Variants in PHF3 observed in about 807,000 individuals in gnomAD.
PHF3 encodes the protein PHD finger protein 3.
A neutral mutation model predicts 178.4 loss-of-function variants in PHF3; 41 were observed. The ratio of observed to expected loss-of-function variants is 0.23; its 90% CI spans 0.18 to 0.30. The LOEUF (loss-of-function observed/expected upper bound fraction) is 0.30, where lower values mean the gene tolerates loss of function less well. PHF3 is among the 10% of genes least tolerant of loss of function. PHF3 has a pLI of 1.00. For synonymous variants in PHF3, 842 were observed against 800.5 expected (o/e 1.05, Z -0.88); for missense variants, 2,346 against 2,398.1 (o/e 0.98, Z 0.45).
chr6:63,701,732 C>A (rs1015474505), intron 9 of PHF3, among the ~76,000 whole-genome samples: 1 of 152,140 alleles, frequency 6.6e-6, no homozygotes, highest in African/African-American at 2.4e-5. Context: ...TTCTCCTCCT[C>A]TTATATTTTG....
In PHF3 at chr6:63,646,892, T is replaced by C. The variant is rs1202114396; in HGVS notation, c.244+97T>C. 1.1e-5 allele frequency: 11 copies of C among 989,646 alleles called. No individual in the cohort carries two copies. In the South Asian group the frequency reaches 1.4e-4, roughly 13 times the overall value. 61.3% of individuals were successfully genotyped at this position (989,646 alleles called of 1,614,324 possible). ...TTCTTTTTTCTTTTTTTCTTTTTTTTTTTTTTAATGAGGAGGGTAGTAAAT... is the reference window on the plus strand; with the variant it reads ...TTCTTTTTTCTTTTTTTCTTTTTTTCTTTTTTAATGAGGAGGGTAGTAAAT... On this transcript the variant is annotated intron_variant, in intron 2 of 15. Transcript: ENST00000262043.
intron 2 of PHF3, among the ~76,000 whole-genome samples, chr6:63,671,802 A>G (rs1765927982): frequency 6.6e-6 from 1 of 152,180 alleles, no homozygotes; most frequent in Non-Finnish European, 1.5e-5. Flanking sequence ...CTGGAGTTGC[A>G]GTGGTGCGAT....
rs1766562199 is a variant in PHF3 at position 63,684,147 on chromosome 6, G to A, written c.425G>A (p.Arg142Gln). 6.2e-7 allele frequency: 1 copy of A among 1,604,018 alleles called. No homozygotes were observed. Among genetic ancestry groups the A allele is most frequent in the South Asian group, 1.1e-5 (1 of 88,862 alleles). The part of the protein sequence containing the change: ...LMAQEQVRSL[R>Q]QSTIAKRSNA... ...GTGATAGAACAAGTAAGAAGTTTGC[G>A]ACAGAGCACTATTGCCAAGCGTTCA... Residue 142 changes from arginine to glutamine, a missense_variant, in exon 4 of 16, where the codon CGA (arginine) becomes CAA (glutamine). Around this residue, in one of 8 missense-constraint regions of PHF3, gnomAD observed 843 missense variants for 795.2 expected, o/e 1.06. Coordinates refer to ENST00000262043, the MANE Select transcript of PHF3 (RefSeq NM_001370348.2).
At chr6:63,700,328 T>C (rs759992806) in intron 8 of PHF3, 22 bp from the exon 9 acceptor site, 9 of 1,182,500 alleles carry the variant, frequency 7.6e-6, no homozygotes, top group Non-Finnish European at 1.1e-5. Context: ...CCCCTTCTAT[T>C]CCTATTTTAA....
intron 13 of PHF3, 111 bp from the exon 14 acceptor site, chr6:63,709,040 G>T: frequency 1.8e-6 from 1 of 559,632 alleles, no homozygotes; most frequent in Non-Finnish European, 3.0e-6. Flanking sequence ...TTATTTACTT[G>T]TTTTTATTAC....
chr6:63,664,086 C>T (rs1421089844), intron 2 of PHF3, among the ~76,000 whole-genome samples: 9 of 152,134 alleles, frequency 5.9e-5, no homozygotes, highest in Non-Finnish European at 4.4e-5. Flanking sequence ...GGGAGAATGG[C>T]TGAATGGTTA....
Position 63,720,829 on chromosome 6 carries a change from C to T in PHF3, c.*7121C>T, listed in dbSNP as rs1241787129. 8 of 1,551,146 alleles carry T rather than the reference C, an allele frequency of 5.2e-6. No homozygotes were observed. Among genetic ancestry groups the T allele is most frequent in the Admixed American group, 2.0e-5 (1 of 50,944 alleles). On this transcript the variant is annotated 3_prime_UTR_variant, in exon 16 of 16. Coordinates refer to ENST00000262043, the MANE Select transcript of PHF3 (RefSeq NM_001370348.2). ...AAGTTTTTATGTGGATCAATATCCT[C>T]GGAAAGAATTAGACTGTTATTTATG...
At chr6:63,646,424 C>T in intron 1 of PHF3, 103 bp from the exon 2 acceptor site, 1 of 711,300 alleles carries the variant, frequency 1.4e-6, no homozygotes, top group Non-Finnish European at 2.1e-6. Context: ...TCAGAAATAC[C>T]TTAAGTGTGT....
intron 2 of PHF3, among the ~76,000 whole-genome samples, chr6:63,661,373 G>T (rs998517554): frequency 6.6e-6 from 1 of 152,098 alleles, no homozygotes; most frequent in Admixed American, 6.6e-5. Flanking sequence ...GTACAACTTT[G>T]CCTATCAGAT....
chr6:63,722,046 T>C lies in PHF3; in HGVS notation c.*8338T>C, dbSNP rs1768418390. On this transcript the variant is annotated 3_prime_UTR_variant, in exon 16 of 16. Coordinates refer to ENST00000262043, the MANE Select transcript of PHF3 (RefSeq NM_001370348.2). ...GGACAGTTCTCATTGAATGAATATA[T>C]TGTGGTAGTAAGTTAAAGTGAGGTT... Among the ~76,000 whole-genome samples the C allele has an allele frequency of 6.6e-6, 1 of 152,158 alleles. No individual in the cohort carries two copies. The highest frequency in any genetic ancestry group is 1.5e-5 in the Non-Finnish European group (1 of 68,016).
rs1768578636 is a variant in PHF3 at position 63,725,437 on chromosome 6, A to G, written c.*11729A>G. ...CCCTCTTACATAGGTCCCACTTAAC[A>G]TTAATTTTGAGTTTTATTAGCAATA... On this transcript the variant is annotated 3_prime_UTR_variant, in exon 16 of 16. Coordinates refer to ENST00000262043, the MANE Select transcript of PHF3 (RefSeq NM_001370348.2). Among the ~76,000 whole-genome samples the G allele has an allele frequency of 6.6e-6, 1 of 152,084 alleles. No homozygotes were observed. Among genetic ancestry groups the G allele is most frequent in the Non-Finnish European group, 1.5e-5 (1 of 67,974 alleles).
At chr6:63,710,360 A>G (rs564711645) in intron 14 of PHF3, among the ~76,000 whole-genome samples, 1 of 152,244 alleles carries the variant, frequency 6.6e-6, no homozygotes, top group Admixed American at 6.5e-5. Context: ...GGTGATTTTT[A>G]CTCTAAAAGA....
chr6:63,666,213 T>C (rs746181986), intron 2 of PHF3, among the ~76,000 whole-genome samples: 36 of 152,114 alleles, frequency 2.4e-4, no homozygotes, highest in Non-Finnish European at 4.7e-4. Context: ...TACTGACTGT[T>C]TTTTCATGTG....
At chr6:63,702,312 T>C (rs746926912) in intron 9 of PHF3, 196 bp from the exon 10 acceptor site, 1 of 313,742 alleles carries the variant, frequency 3.2e-6, no homozygotes, top group Non-Finnish European at 5.9e-6. Flanking sequence ...GGTCTAATTC[T>C]TATAACCGCA....
Position 63,685,412 on chromosome 6 carries a change from G to T in PHF3, c.1690G>T (p.Gly564Trp). ...GCCAAAGATTCAGAGTTGCAATTCTGGGGTTAAATCTGTGAAAAACCAAGC... is the reference window on the plus strand; with the variant it reads ...GCCAAAGATTCAGAGTTGCAATTCTTGGGTTAAATCTGTGAAAAACCAAGC... The part of the protein sequence containing the change: ...KEPKIQSCNS[G>W]VKSVKNQAHS... Residue 564 changes from glycine to tryptophan, a missense_variant, in exon 4 of 16, where the codon GGG (glycine) becomes TGG (tryptophan). This residue lies in a region of PHF3 where 843 missense variants were observed against 795.2 expected (regional missense o/e 1.06). Coordinates refer to ENST00000262043, the MANE Select transcript of PHF3 (RefSeq NM_001370348.2). 1 of 1,613,826 alleles carries T rather than the reference G, an allele frequency of 6.2e-7. No individual in the cohort carries two copies. The highest frequency in any genetic ancestry group is 8.5e-7 in the Non-Finnish European group (1 of 1,179,944).
rs1276675063 is a variant in PHF3, at chr6:63,698,353, C to T, written c.2811C>T (p.Asp937=). ...IRQSVRHSLK[D]ILMKRLTDSN... The stretch of plus-strand genomic sequence containing the variant: ...AAAGTGTCAGACATTCTCTCAAAGA[C>T]ATTCTTATGAAGAGGTAACATATAT... Residue 937 remains aspartate, a synonymous_variant, in exon 7 of 16, where the codon GAC becomes GAT. Transcript: ENST00000262043. 1.2e-6 allele frequency: 2 copies of T among 1,609,738 alleles called. No homozygotes were observed. The highest frequency in any genetic ancestry group is 2.7e-5 in the African/African-American group (2 of 74,824).
rs1768213524 is a variant in PHF3 at position 63,717,085 on chromosome 6, A to G, written c.*3377A>G. 6.6e-6 allele frequency among the ~76,000 whole-genome samples: 1 copy of G among 152,110 alleles called. No homozygotes were observed. The highest frequency in any genetic ancestry group is 2.4e-5 in the African/African-American group (1 of 41,436). ...AAATCTTTATAGAATAGCTAAGGCT[A>G]TAGTAAATACATGTGAAAAATTTAA... On this transcript the variant is annotated 3_prime_UTR_variant, in exon 16 of 16. Transcript: ENST00000262043.
At chr6:63,691,686 A>AT (rs1767008200) in intron 4 of PHF3, 51 bp from the exon 5 acceptor site, 1 of 1,433,070 alleles carries the variant, frequency 7.0e-7, no homozygotes, top group African/African-American at 1.4e-5. Flanking sequence ...TTTGACATAG[A>AT]TTTTCTTGTT....
At chr6:63,678,813 C>T (rs1561959393) in intron 2 of PHF3, 1 of 449,926 alleles carries the variant, frequency 2.2e-6, no homozygotes, top group Admixed American at 2.4e-5. Context: ...GAATTTTGTT[C>T]TCTTTAAATT....
Sources: allele counts gnomAD v4.1 joint callset (sites outside exome capture counted in the v4.1 genomes callset), GRCh38; gene constraint gnomAD v4.1.1; regional missense constraint gnomAD v4.1.1; transcripts MANE v1.5; gene names NCBI Gene and HGNC (gene_info 2026-07-23, HGNC 2026-07-21).